COL4A1: variants seen among roughly 807,000 people sequenced by gnomAD.
The protein encoded by COL4A1 is collagen type IV alpha 1 chain, also known as collagen alpha-1(IV) chain.
In COL4A1, 40 loss-of-function variants were observed where a neutral mutation model predicts 216.6. The ratio of observed to expected loss-of-function variants is 0.18; its 90% confidence interval spans 0.14 to 0.24. COL4A1 has a LOEUF of 0.24. Among genes scored for constraint, COL4A1 ranks in the 10% least tolerant of loss-of-function variants. The probability of loss-of-function intolerance (pLI) is 1.00; values close to 1 mark genes in which losing one functional copy is unlikely to be tolerated. For missense variants in COL4A1, 1,628 were observed against 2,196.8 expected (o/e 0.74, Z 5.18); for synonymous variants, 839 against 810.7 (o/e 1.03, Z -0.59).
chr13:110,200,924 A>T, intron 19 of COL4A1, 35 bp from the exon 20 acceptor site: 1 of 1,611,226 alleles, frequency 6.2e-7, no homozygotes, highest in Non-Finnish European at 8.5e-7. Context: ...ATCAAACAGA[A>T]CAGTTCACCC....
At chr13:110,171,665 T>A (rs1167754515) in intron 41 of COL4A1, among the ~76,000 whole-genome samples, 1 of 152,242 alleles carries the variant, frequency 6.6e-6, no homozygotes. Flanking sequence ...TCTCTTCTCC[T>A]GGGGATTCTC....
chr13:110,262,228 G>A (rs115624201), intron 1 of COL4A1, among the ~76,000 whole-genome samples: 148 of 152,178 alleles, frequency 9.7e-4, no homozygotes, highest in African/African-American at 3.5e-3. Flanking sequence ...GGCAAGGACC[G>A]CGAGGTCTGC....
intron 2 of COL4A1, among the ~76,000 whole-genome samples, chr13:110,229,582 C>T (rs1362974078): frequency 2.6e-5 from 4 of 152,166 alleles, no homozygotes; most frequent in Non-Finnish European, 5.9e-5. Context: ...AATTCTAACC[C>T]CCAAGGTGAT....
rs544309575 is a variant in COL4A1 at position 110,286,346 on chromosome 13, G to C, written c.84+20598C>G. 2.3e-3 allele frequency among the ~76,000 whole-genome samples: 343 copies of C among 152,332 alleles called. 1 individual carries two copies. The Middle Eastern group carries it at 0.034, about 15-fold the overall frequency. Reference sequence around the variant, plus strand: ...CTCGAAGCTCCTGAGGGTGGCTGCAGGCAGAGTAGGAGGGCTGAGCAGGCT... The same window carrying C: ...CTCGAAGCTCCTGAGGGTGGCTGCACGCAGAGTAGGAGGGCTGAGCAGGCT... On this transcript the variant is annotated intron_variant, in intron 1 of 51. Coordinates refer to ENST00000375820, the MANE Select transcript of COL4A1 (RefSeq NM_001845.6).
At chr13:110,249,936 G>C (rs1386142761) in intron 1 of COL4A1, among the ~76,000 whole-genome samples, 1 of 152,118 alleles carries the variant, frequency 6.6e-6, no homozygotes, top group Non-Finnish European at 1.5e-5. Context: ...TATTCTCACA[G>C]AACTCAAAAT....
chr13:110,210,523 G>A (rs1283057323), intron 8 of COL4A1, among the ~76,000 whole-genome samples: 1 of 152,112 alleles, frequency 6.6e-6, no homozygotes, highest in Non-Finnish European at 1.5e-5. Flanking sequence ...CCTTGTCTCT[G>A]GTTGAAAGAC....
At chr13:110,157,820 G>C (rs1876857887) in intron 49 of COL4A1, among the ~76,000 whole-genome samples, 1 of 152,164 alleles carries the variant, frequency 6.6e-6, no homozygotes, top group African/African-American at 2.4e-5. Context: ...GGTGCTCAAA[G>C]ACCAGGGGTG....
At chr13:110,288,174 G>A (rs2139308103) in intron 1 of COL4A1, among the ~76,000 whole-genome samples, 1 of 151,480 alleles carries the variant, frequency 6.6e-6, no homozygotes, top group East Asian at 1.9e-4. Context: ...TAAGGCAGGA[G>A]AATAACTTGA....
chr13:110,231,747 T>C (rs966156263), intron 2 of COL4A1, among the ~76,000 whole-genome samples: 42 of 152,206 alleles, frequency 2.8e-4, no homozygotes, highest in African/African-American at 4.8e-4. Context: ...CTGGCTCTAC[T>C]ATAGACAGAT....
chr13:110,152,693 G>A (rs922397560), intron 50 of COL4A1, among the ~76,000 whole-genome samples, 187 bp from the exon 51 acceptor site: 1 of 152,392 alleles, frequency 6.6e-6, no homozygotes, highest in African/African-American at 2.4e-5. Flanking sequence ...GTGCCTGCAT[G>A]GCTGGGGCCC....
intron 24 of COL4A1, among the ~76,000 whole-genome samples, chr13:110,188,757 T>C (rs1878505768): frequency 1.3e-5 from 2 of 152,076 alleles, no homozygotes; most frequent in South Asian, 4.2e-4. Context: ...AAACAGCAAA[T>C]GTGGGACTAA....
Position 110,281,295 on chromosome 13 carries a change from G to A in COL4A1, c.84+25649C>T, listed in dbSNP as rs1054603023. On this transcript the variant is annotated intron_variant, in intron 1 of 51. Transcript: ENST00000375820. ...GAATTCTTATTTCCCAAAACAAAACGTGAGAAGCAGAAATACTGAGAATTT... is the reference window on the plus strand; with the variant it reads ...GAATTCTTATTTCCCAAAACAAAACATGAGAAGCAGAAATACTGAGAATTT... Among the ~76,000 whole-genome samples, 4 of 152,190 alleles carry A rather than the reference G, an allele frequency of 2.6e-5. 1 individual carries two copies. Among genetic ancestry groups the A allele is most frequent in the Non-Finnish European group, 5.9e-5 (4 of 68,034 alleles).
intron 2 of COL4A1, among the ~76,000 whole-genome samples, chr13:110,235,398 C>T (rs912527908): frequency 6.6e-6 from 1 of 152,144 alleles, no homozygotes; most frequent in Non-Finnish European, 1.5e-5. Context: ...CGCCTGTAAT[C>T]CCAGCACTTT....
At position 110,183,466 on chromosome 13, in the gene COL4A1, C is replaced by T. The variant is rs1289648075; in HGVS notation, c.1898-190G>A. 1.8e-4 allele frequency among the ~76,000 whole-genome samples: 27 copies of T among 152,200 alleles called. 1 individual carries two copies. Among genetic ancestry groups the T allele is most frequent in the Admixed American group, 1.8e-3 (27 of 15,290 alleles). On this transcript the variant is annotated intron_variant, in intron 26 of 51. Transcript: ENST00000375820. ...CTAGGATCTTTCACAGAGAGCTACG[C>T]TTCTCCCCATGCGTTTGCATGTCCA...
intron 1 of COL4A1, among the ~76,000 whole-genome samples, chr13:110,272,708 C>T (rs1883288572): frequency 6.6e-6 from 1 of 152,236 alleles, no homozygotes; most frequent in African/African-American, 2.4e-5. Flanking sequence ...TTTGCCTAAT[C>T]CTTTTCTTGC....
At position 110,211,987 on chromosome 13, in the gene COL4A1, G is replaced by A. The variant is rs60663998; in HGVS notation, c.388-65C>T. 1.2e-5 allele frequency: 17 copies of A among 1,445,896 alleles called. No individual in the cohort carries two copies. Among genetic ancestry groups the A allele is most frequent in the African/African-American group, 2.8e-5 (2 of 71,606 alleles). The allele number at this position is 1,445,896 out of a possible 1,614,324, so 89.6% of individuals were successfully genotyped here. A position where few individuals can be genotyped will look rare whatever the true frequency, so the allele number is the denominator to read the frequency against. ...TGGCAGACACATCAGCCCTGACATC[G>A]CATGCATCACTCTGCCCTACCCTTC... On this transcript the variant is annotated intron_variant, in intron 6 of 51. Transcript: ENST00000375820. This position sits in a 1 kb window ranked among gnomAD's most constrained non-coding sequence, Gnocchi z 4.3.
chr13:110,283,997 G>A (rs926924475), intron 1 of COL4A1, among the ~76,000 whole-genome samples: 3 of 152,076 alleles, frequency 2.0e-5, no homozygotes, highest in African/African-American at 7.2e-5. Context: ...GGGTCTGTCC[G>A]GTGATGGCCA....
At chr13:110,203,861 C>T (rs941108268) in intron 17 of COL4A1, among the ~76,000 whole-genome samples, 1 of 152,220 alleles carries the variant, frequency 6.6e-6, no homozygotes, top group Admixed American at 6.5e-5. Flanking sequence ...ATTCTCCTTA[C>T]AAAAGCCCAG....
intron 1 of COL4A1, among the ~76,000 whole-genome samples, chr13:110,255,552 AAGGGGGCAGGCAGGAAGGG>A (rs1304072306): frequency 4.1e-4 from 34 of 82,216 alleles, no homozygotes; most frequent in Non-Finnish European, 6.4e-4. Context: ...AAAGGAAGGG[AAGGGGGCAGGCAGGAAGGG>A]AGGGGGCAGG....
Sources: allele counts gnomAD v4.1 joint callset (sites outside exome capture counted in the v4.1 genomes callset), GRCh38; gene constraint gnomAD v4.1.1; non-coding constraint Gnocchi (gnomAD v3.1); transcripts MANE v1.5; gene names NCBI Gene and HGNC (gene_info 2026-07-23, HGNC 2026-07-21).